Variants in NISCH observed in about 807,000 individuals in gnomAD.
The protein encoded by NISCH is I-1 receptor candidate protein.
In NISCH, 55 loss-of-function variants were observed where a neutral mutation model predicts 138.4. The ratio of observed to expected loss-of-function variants is 0.40; its 90% CI spans 0.32 to 0.50. NISCH has a LOEUF of 0.50. Among genes scored for constraint, NISCH ranks in the 20% least tolerant of loss-of-function variants. The probability of loss-of-function intolerance (pLI) is 0.71; values close to 1 mark genes in which losing one functional copy is unlikely to be tolerated. For missense variants in NISCH, 1,643 were observed against 2,005.5 expected, an observed-to-expected ratio of 0.82 and a Z score of 3.45; for synonymous variants, 860 against 861.5, an observed-to-expected ratio of 1.00 and a Z score of 0.03.
chr3:52,483,678 C>G (rs1707334303), intron 13 of NISCH, among the ~76,000 whole-genome samples: 1 of 152,250 alleles, frequency 6.6e-6, no homozygotes, highest in South Asian at 2.1e-4. Flanking sequence ...CTCAGCAGCC[C>G]TGCTGGATAC....
rs766891568 is a variant in NISCH, at chr3:52,490,075, G to C, written c.3457G>C (p.Val1153Leu). Residue 1153 changes from valine to leucine, a missense_variant and splice_region_variant, in exon 18 of 21, where the codon GTT becomes CTT. Transcript: ENST00000345716. ...CTGACAGGAGGCCCCCCGTCTTCAG[G>C]TTGAAAACGAGGAGCTGAGGCACCT... is the stretch of plus-strand genomic sequence containing the variant. ...IELFHSSIAE[V>L]ENEELRHLMW... 1 of 1,613,530 alleles carries C rather than the reference G, an allele frequency of 6.2e-7. No homozygotes were observed. Among genetic ancestry groups the C allele is most frequent in the South Asian group, 1.1e-5 (1 of 91,068 alleles).
chr3:52,489,311 A>G, intron 16 of NISCH, 25 bp from the exon 17 acceptor site: 1 of 1,600,618 alleles, frequency 6.2e-7, no homozygotes, highest in South Asian at 1.1e-5. Context: ...TCCGCTGTTA[A>G]TATGGTGTTT....
intron 3 of NISCH, among the ~76,000 whole-genome samples, chr3:52,464,517 C>CTTT (rs71084185): frequency 0.076 from 5,751 of 75,712 alleles, 975 homozygotes; most frequent in African/African-American, 0.12. Flanking sequence ...TGTGAGTTGT[C>CTTT]TTTTTTTTTT....
In NISCH at chr3:52,458,017, A is replaced by T. The variant is rs532041778; in HGVS notation, c.177+91A>T. Reference sequence around the variant, plus strand: ...TGCCACATATTAGTTTTAGGGCAAAACAGGTTCCATCTCTATAGTTCTTTA... The same window carrying T: ...TGCCACATATTAGTTTTAGGGCAAATCAGGTTCCATCTCTATAGTTCTTTA... On this transcript the variant is annotated intron_variant, in intron 2 of 20. Coordinates refer to ENST00000345716, the MANE Select transcript of NISCH (RefSeq NM_007184.4). The T allele has an allele frequency of 1.2e-5, 11 of 926,014 alleles. No homozygotes were observed. In the East Asian group the frequency reaches 2.7e-4, roughly 23 times the overall value. The allele number at this position is 926,014 out of a possible 1,614,324, so 57.4% of individuals were successfully genotyped here. A position where few individuals can be genotyped will look rare whatever the true frequency, so the allele number is the denominator to read the frequency against.
Position 52,488,581 on chromosome 3 carries a change from G to A in NISCH, c.3089G>A (p.Gly1030Asp), listed in dbSNP as rs1045853851. The change falls in exon 16 of 21, where the codon GGC becomes GAC. Residue 1030 changes from glycine (G) to aspartate (D), a missense_variant. Transcript: ENST00000345716. ...AGCCCCCAGGGCTCCTTTGCGGATG[G>A]CCAGCCTGCCGAGCGCAGGGCCAGG... The part of the protein sequence containing the change: ...GGSPQGSFAD[G>D]QPAERRASND... 6.2e-7 allele frequency: 1 copy of A among 1,611,254 alleles called. No homozygotes were observed. The highest frequency in any genetic ancestry group is 1.3e-5 in the African/African-American group (1 of 74,930).
intron 1 of NISCH, among the ~76,000 whole-genome samples, chr3:52,456,173 T>G (rs1185263254): frequency 2.0e-5 from 3 of 152,086 alleles, no homozygotes; most frequent in Non-Finnish European, 4.4e-5. Flanking sequence ...TTCGCAGGCC[T>G]TGAAGAAAGA....
chr3:52,457,805 G>T (rs200575185), intron 1 of NISCH, 38 bp from the exon 2 acceptor site: 3 of 1,452,342 alleles, frequency 2.1e-6, no homozygotes, highest in Non-Finnish European at 1.9e-6. Context: ...TTGTTGCTGG[G>T]CTCCCTTGCC....
chr3:52,491,549 C>A, intron 20 of NISCH, 36 bp downstream of exon 20: 1 of 1,585,906 alleles, frequency 6.3e-7, no homozygotes, highest in Admixed American at 1.7e-5. Context: ...GACAGGCTGC[C>A]TGGACAGACG....
In NISCH at chr3:52,491,471, G is replaced by T. The variant is rs771917924; in HGVS notation, c.3862G>T (p.Val1288Phe). ...GGAACGCACGCCCTCGCCGGAGCCT[G>T]TTGACAAGGACTTCTACTCCGAGTT... is the stretch of plus-strand genomic sequence containing the variant. ...SLERTPSPEP[V>F]DKDFYSEFGN... Residue 1288 changes from valine (V) to phenylalanine (F), a missense_variant, in exon 20 of 21, where the codon GTT becomes TTT. Physicochemically the swap from Val to Phe is conservative, Grantham distance 50. Coordinates refer to ENST00000345716, the MANE Select transcript of NISCH (RefSeq NM_007184.4). 1.2e-6 allele frequency: 2 copies of T among 1,613,432 alleles called. No homozygotes were observed. The highest frequency in any genetic ancestry group is 1.7e-6 in the Non-Finnish European group (2 of 1,179,954).
At position 52,487,326 on chromosome 3, in the gene NISCH, C is replaced by G. The variant is rs746309774; in HGVS notation, c.1834C>G (p.Gln612Glu). 1.2e-6 allele frequency: 2 copies of G among 1,614,134 alleles called. No individual in the cohort carries two copies. The highest frequency in any genetic ancestry group is 2.2e-5 in the East Asian group (1 of 44,888). The change falls in exon 16 of 21, where the codon CAG becomes GAG. Residue 612 changes from glutamine (Q) to glutamate (E), a missense_variant. Physicochemically the swap from Gln to Glu is conservative, Grantham distance 29 (BLOSUM62 2). Transcript: ENST00000345716. The surrounding 1 kb of genome is among the most constrained non-coding windows in gnomAD (Gnocchi z 9.1). ...FIQRLSTLIR[Q>E]AIERQLPAWI... is the part of the protein sequence containing the mutation. ...CCAGCGCCTGAGCACACTGATCCGG[C>G]AGGCCATCGAGCGGCAGCTGCCTGC...
chr3:52,489,925 AC>A, intron 17 of NISCH, 149 bp from the exon 18 acceptor site: 1 of 1,223,208 alleles, frequency 8.2e-7, no homozygotes, highest in Non-Finnish European at 1.1e-6. Flanking sequence ...GCCATCTCCC[AC>A]CCCTCTCTTC....
At chr3:52,481,002 C>A in intron 13 of NISCH, 1 of 1,414,504 alleles carries the variant, frequency 7.1e-7, no homozygotes, top group Admixed American at 2.8e-5. Context: ...CAGGAAAGGA[C>A]GCCGCCTGCC....
intron 7 of NISCH, 34 bp from the exon 8 acceptor site, chr3:52,476,413 G>A (rs369996416): frequency 6.8e-6 from 11 of 1,608,282 alleles, no homozygotes; most frequent in African/African-American, 4.0e-5. Flanking sequence ...GTGAGGGCCC[G>A]AGTGTGGTGC....
intron 17 of NISCH, 193 bp from the exon 18 acceptor site, chr3:52,489,882 C>A: frequency 8.5e-7 from 1 of 1,173,534 alleles, no homozygotes; most frequent in Non-Finnish European, 1.2e-6. Flanking sequence ...CCTCCTGTGC[C>A]ACTTCCAGCC....
At chr3:52,488,877 C>A (rs1707485582) in intron 16 of NISCH, among the ~76,000 whole-genome samples, 1 of 152,178 alleles carries the variant, frequency 6.6e-6, no homozygotes, top group Non-Finnish European at 1.5e-5. Context: ...AAGGGCAGGC[C>A]AAGGGGGCTG....
intron 3 of NISCH, among the ~76,000 whole-genome samples, chr3:52,465,754 C>T (rs550269127): frequency 6.6e-6 from 1 of 152,294 alleles, no homozygotes; most frequent in Non-Finnish European, 1.5e-5. Context: ...CCCCTACTTC[C>T]CAACGGTTTA....
At chr3:52,464,254 C>T (rs1050798598) in intron 3 of NISCH, among the ~76,000 whole-genome samples, 35 of 151,534 alleles carry the variant, frequency 2.3e-4, no homozygotes, top group African/African-American at 8.0e-4. Flanking sequence ...AGAAATTAGC[C>T]GGGCATGGTG....
intron 11 of NISCH, among the ~76,000 whole-genome samples, chr3:52,479,266 A>C (rs1414521632): frequency 6.7e-6 from 1 of 150,356 alleles, no homozygotes; most frequent in South Asian, 2.1e-4. Context: ...CCAACCCCCC[A>C]CTGCCTGCCA....
intron 11 of NISCH, among the ~76,000 whole-genome samples, chr3:52,479,414 C>T (rs1044936393): frequency 6.6e-6 from 1 of 152,178 alleles, no homozygotes; most frequent in Non-Finnish European, 1.5e-5. Context: ...CAAGTTGCCC[C>T]CTTACCCTAG....
Sources: allele counts gnomAD v4.1 joint callset (sites outside exome capture counted in the v4.1 genomes callset), GRCh38; gene constraint gnomAD v4.1.1; non-coding constraint Gnocchi (gnomAD v3.1); transcripts MANE v1.5; gene names NCBI Gene and HGNC (gene_info 2026-07-23, HGNC 2026-07-21).